GALNT1: variants seen among roughly 807,000 people sequenced by gnomAD.
GALNT1 encodes GalNAc transferase 1.
A neutral mutation model predicts 65.7 loss-of-function variants in GALNT1; 17 were observed. The observed-to-expected ratio is 0.26, with a 90% CI of 0.18 to 0.39. GALNT1 has a LOEUF of 0.39. Ranked by LOEUF, GALNT1 falls within the 10% of genes least tolerant of loss-of-function variation. The pLI is 1.00. For synonymous variants in GALNT1, 210 were observed against 219.7 expected (o/e 0.96, Z 0.39); for missense variants, 460 against 672.8 (o/e 0.68, Z 3.50).
In GALNT1 at chr18:35,632,309, G is replaced by T. The variant is rs545242990; in HGVS notation, c.-103-22251G>T. On this transcript the variant is annotated intron_variant, in intron 1 of 11. Coordinates refer to ENST00000269195, the MANE Select transcript of GALNT1 (RefSeq NM_020474.4). ...ACCTGACTTCAAACTATACTACAAG[G>T]CTACAGTAACCAAAACAGCATGGTA... Among the ~76,000 whole-genome samples, 6 of 152,190 alleles carry T rather than the reference G, an allele frequency of 3.9e-5. No individual in the cohort carries two copies. In the East Asian group the frequency reaches 5.8e-4, roughly 15 times the overall value.
intron 5 of GALNT1, among the ~76,000 whole-genome samples, chr18:35,684,804 G>A (rs2047842298): frequency 6.6e-6 from 1 of 152,226 alleles, no homozygotes; most frequent in Non-Finnish European, 1.5e-5. Flanking sequence ...TAGGGTTTCT[G>A]CTGAACTTTG....
At chr18:35,632,527 T>C (rs1419534744) in intron 1 of GALNT1, among the ~76,000 whole-genome samples, 1 of 152,192 alleles carries the variant, frequency 6.6e-6, no homozygotes, top group Non-Finnish European at 1.5e-5. Context: ...ATCCCTTCCT[T>C]ATACCTTATA....
At chr18:35,672,735 A>T (rs1413889554) in intron 3 of GALNT1, among the ~76,000 whole-genome samples, 1 of 151,836 alleles carries the variant, frequency 6.6e-6, no homozygotes. Context: ...TAGGGAAGGA[A>T]GTGTAAGACA....
intron 1 of GALNT1, among the ~76,000 whole-genome samples, chr18:35,590,410 T>G (rs574453650): frequency 4.3e-4 from 65 of 152,366 alleles, no homozygotes; most frequent in African/African-American, 1.4e-3. Flanking sequence ...GCTTCCAGTA[T>G]GTTAATCTTT....
rs112914782 is a variant in GALNT1 at position 35,643,055 on chromosome 18, T to C, written c.-103-11505T>C. ...TCCTGTGGTCAGCCTGGCTAGGTCA[T>C]ACTGTGGCCAGGCAACTGGATCTGT... is the stretch of plus-strand genomic sequence containing the variant. On this transcript the variant is annotated intron_variant, in intron 1 of 11. Coordinates refer to ENST00000269195, the MANE Select transcript of GALNT1 (RefSeq NM_020474.4). Among the ~76,000 whole-genome samples, 811 of 152,176 alleles carry C rather than the reference T, an allele frequency of 5.3e-3. 10 individuals are homozygous for C. Among genetic ancestry groups the C allele is most frequent in the African/African-American group, 0.019 (770 of 41,518 alleles).
At chr18:35,679,092 C>T (rs2047751788) in intron 4 of GALNT1, among the ~76,000 whole-genome samples, 1 of 151,990 alleles carries the variant, frequency 6.6e-6, no homozygotes, top group Admixed American at 6.6e-5. Flanking sequence ...GTTAAGAATA[C>T]CACACGTAAA....
intron 4 of GALNT1, among the ~76,000 whole-genome samples, chr18:35,679,491 C>T (rs1421138702): frequency 1.3e-5 from 2 of 152,154 alleles, no homozygotes; most frequent in Non-Finnish European, 2.9e-5. Context: ...TTCCCTCATG[C>T]AGCCCTCACC....
chr18:35,702,122 T>C (rs918263700), intron 9 of GALNT1, among the ~76,000 whole-genome samples: 1 of 152,190 alleles, frequency 6.6e-6, no homozygotes, highest in East Asian at 1.9e-4. Flanking sequence ...AGACTGTATA[T>C]GTGTTTATAG....
intron 1 of GALNT1, among the ~76,000 whole-genome samples, chr18:35,630,313 C>T (rs1004133082): frequency 2.0e-5 from 3 of 152,158 alleles, no homozygotes; most frequent in African/African-American, 7.2e-5. Flanking sequence ...GTAAAGCACT[C>T]CTCAGCAAAT....
intron 9 of GALNT1, among the ~76,000 whole-genome samples, chr18:35,699,033 GTCTC>G (rs1470491210): frequency 6.6e-6 from 1 of 152,056 alleles, no homozygotes; most frequent in African/African-American, 2.4e-5. Context: ...TTACCCATCT[GTCTC>G]TGTATCATGT....
At chr18:35,648,594 T>C (rs905968568) in intron 1 of GALNT1, among the ~76,000 whole-genome samples, 1 of 152,216 alleles carries the variant, frequency 6.6e-6, no homozygotes, top group African/African-American at 2.4e-5. Context: ...ACTTATGTGG[T>C]TGGGACAAAA....
At chr18:35,654,095 C>T (rs901993841) in intron 1 of GALNT1, among the ~76,000 whole-genome samples, 1 of 152,126 alleles carries the variant, frequency 6.6e-6, no homozygotes, top group Non-Finnish European at 1.5e-5. Flanking sequence ...AGTTGCCTAA[C>T]CCCCTATGGT....
At chr18:35,636,783 GTTTTTTTTTTTTT>G (rs58909585) in intron 1 of GALNT1, among the ~76,000 whole-genome samples, 1 of 64,224 alleles carries the variant, frequency 1.6e-5, no homozygotes, top group Non-Finnish European at 3.2e-5. Context: ...ATACTACTTT[GTTTTTTTTTTTTT>G]TTTTTTTTTT....
intron 1 of GALNT1, among the ~76,000 whole-genome samples, chr18:35,648,427 T>C (rs1292394565): frequency 6.6e-6 from 1 of 152,232 alleles, no homozygotes; most frequent in Non-Finnish European, 1.5e-5. Context: ...TTTTCGACTT[T>C]CGACTTAAGA....
At chr18:35,582,819 A>T (rs1188085694) in intron 1 of GALNT1, among the ~76,000 whole-genome samples, 1 of 152,220 alleles carries the variant, frequency 6.6e-6, no homozygotes, top group East Asian at 1.9e-4. Flanking sequence ...TCAAACCTAG[A>T]CCTTGTTAGT....
At chr18:35,645,596 A>G (rs1405481491) in intron 1 of GALNT1, among the ~76,000 whole-genome samples, 5 of 152,132 alleles carry the variant, frequency 3.3e-5, no homozygotes, top group Admixed American at 6.5e-5. Flanking sequence ...TTATATGTTC[A>G]TCTGTAGTCA....
intron 5 of GALNT1, among the ~76,000 whole-genome samples, chr18:35,686,329 T>A (rs1309911205): frequency 1.3e-5 from 2 of 152,198 alleles, no homozygotes; most frequent in African/African-American, 2.4e-5. Context: ...CACAGAATTT[T>A]CTTTGAGAGA....
At chr18:35,666,872 A>G (rs2047556087) in intron 3 of GALNT1, among the ~76,000 whole-genome samples, 1 of 152,174 alleles carries the variant, frequency 6.6e-6, no homozygotes, top group African/African-American at 2.4e-5. Context: ...CCTAGGAGGT[A>G]GCGCAGAGTC....
rs202071373 is a variant in GALNT1, at chr18:35,688,061, CAG to C, written c.860+876_860+877del. Among the ~76,000 whole-genome samples the C allele has an allele frequency of 8.5e-3, 1,299 of 152,256 alleles. 8 individuals carry two copies. The highest frequency in any genetic ancestry group is 0.01 in the Non-Finnish European group (713 of 67,996). On this transcript the variant is annotated intron_variant, in intron 6 of 11. Coordinates refer to ENST00000269195, the MANE Select transcript of GALNT1 (RefSeq NM_020474.4). ...TGTTAGTGCAATTCACTATCTAAAT[CAG>C]GGGTTCCTAAACATTTCAAAAATGA...
Sources: allele counts gnomAD v4.1 joint callset (sites outside exome capture counted in the v4.1 genomes callset), GRCh38; gene constraint gnomAD v4.1.1; transcripts MANE v1.5; gene names NCBI Gene and HGNC (gene_info 2026-07-23, HGNC 2026-07-21).